TPD52: variants seen among roughly 807,000 people sequenced by gnomAD.
TPD52 encodes the protein prostate and colon associated protein.
A neutral mutation model predicts 31.3 loss-of-function variants in TPD52; 17 were observed. The ratio of observed to expected loss-of-function variants is 0.54; its 90% CI spans 0.37 to 0.82. The LOEUF (loss-of-function observed/expected upper bound fraction) is 0.82, where lower values mean the gene tolerates loss of function less well. Ranked by LOEUF, TPD52 falls within the 40% of genes least tolerant of loss-of-function variation. The pLI, the probability that TPD52 is intolerant of heterozygous loss-of-function variation, is 0.00. For synonymous variants in TPD52, 83 were observed against 89.6 expected, an observed-to-expected ratio of 0.93 and a Z score of 0.42; for missense variants, 212 against 240.1, an observed-to-expected ratio of 0.88 and a Z score of 0.77.
At chr8:80,032,267 A>C (rs2130281649), downstream of TPD52, among the ~76,000 whole-genome samples, 2 of 152,276 alleles carry the variant, frequency 1.3e-5, 1 homozygote, top group South Asian at 4.1e-4. Flanking sequence ...GACTGTAAAG[A>C]ACTGAACAAG....
intron 1 of TPD52, chr8:80,080,534 T>C: frequency 6.5e-7 from 1 of 1,549,222 alleles, no homozygotes; most frequent in Non-Finnish European, 8.7e-7. Context: ...CATATTCCCT[T>C]TGTAGGGTGC....
chr8:80,090,343 T>C (rs1365865992), intron 1 of TPD52, among the ~76,000 whole-genome samples: 3 of 151,796 alleles, frequency 2.0e-5, no homozygotes, highest in African/African-American at 7.3e-5. Context: ...AAGGCTAGAG[T>C]GAGCTACGAT....
chr8:80,142,509 A>T (rs35834988), intron 1 of TPD52, among the ~76,000 whole-genome samples: 60,179 of 151,982 alleles, frequency 0.4, 12,389 homozygotes, highest in East Asian at 0.71. Flanking sequence ...CCTTTGGATT[A>T]CTTTGGGAGG....
intron 1 of TPD52, chr8:80,080,793 C>T: frequency 2.0e-6 from 2 of 1,013,666 alleles, no homozygotes; most frequent in Non-Finnish European, 2.4e-6. Flanking sequence ...TGCAATATGG[C>T]CCAGAGGTAC....
chr8:80,107,159 G>C (rs1807193771), intron 1 of TPD52, among the ~76,000 whole-genome samples: 1 of 152,080 alleles, frequency 6.6e-6, no homozygotes, highest in Admixed American at 6.6e-5. Flanking sequence ...CCATAAATAA[G>C]CTTTTGAAAG....
rs1212799690 is a variant in TPD52 at position 80,034,765 on chromosome 8, AC to A, written c.*3350del. 4 of 152,162 alleles carry A rather than the reference AC, an allele frequency of 2.6e-5. No homozygotes were observed. Among genetic ancestry groups the A allele is most frequent in the Non-Finnish European group, 4.4e-5 (3 of 68,022 alleles). 9.4% of individuals were successfully genotyped at this position (152,162 alleles called of 1,614,324 possible). On this transcript the variant is annotated 3_prime_UTR_variant, in exon 8 of 8. Transcript: ENST00000518937. ...GTCCATTTACAAATATTCAAACAAA[AC>A]TGTATTTGGCTTTTTCTATATGATA...
At chr8:80,150,639 T>C (rs1046779652) in intron 1 of TPD52, among the ~76,000 whole-genome samples, 3 of 152,112 alleles carry the variant, frequency 2.0e-5, no homozygotes, top group African/African-American at 4.8e-5. Flanking sequence ...ATGTGAGACA[T>C]GGAGATCATT....
intron 1 of TPD52, among the ~76,000 whole-genome samples, chr8:80,110,996 A>G (rs1807462802): frequency 6.6e-6 from 1 of 152,208 alleles, no homozygotes; most frequent in Non-Finnish European, 1.5e-5. Flanking sequence ...ACTTGAGGCC[A>G]GGAGTTCAAG....
intron 1 of TPD52, among the ~76,000 whole-genome samples, chr8:80,132,173 G>A (rs1033303746): frequency 6.6e-6 from 1 of 151,892 alleles, no homozygotes; most frequent in Non-Finnish European, 1.5e-5. Context: ...GGGACTACAG[G>A]TAGCACCTGT....
At chr8:80,059,682 C>T (rs1586183987) in intron 2 of TPD52, among the ~76,000 whole-genome samples, 2 of 152,038 alleles carry the variant, frequency 1.3e-5, no homozygotes, top group Admixed American at 1.3e-4. Flanking sequence ...ACTGAAACCC[C>T]GTCTCTACCA....
chr8:80,102,688 A>G (rs901125422), intron 1 of TPD52, among the ~76,000 whole-genome samples: 2 of 152,086 alleles, frequency 1.3e-5, no homozygotes, highest in African/African-American at 4.8e-5. Flanking sequence ...GAGTGATCAG[A>G]GTGTCTTTGC....
Position 80,134,632 on chromosome 8 carries a change from G to A in TPD52, c.19+36793C>T, listed in dbSNP as rs1479426893. The stretch of plus-strand genomic sequence containing the variant: ...ATTACTAATGTCTCCTTTCTGATCC[G>A]AGAGAGAGTGTGTCATGAAGACACT... On this transcript the variant is annotated intron_variant, in intron 1 of 7. Transcript: ENST00000518937. 3.9e-5 allele frequency among the ~76,000 whole-genome samples: 6 copies of A among 152,314 alleles called. 1 individual carries two copies. The East Asian group carries it at 5.8e-4, about 15-fold the overall frequency.
At chr8:80,046,740 G>GA (rs5892701) in intron 5 of TPD52, among the ~76,000 whole-genome samples, 30 of 149,024 alleles carry the variant, frequency 2.0e-4, no homozygotes, top group Admixed American at 6.7e-4. Context: ...TCAAAACACT[G>GA]AAAAAAAAAA....
chr8:80,110,592 G>GAAA (rs58385552), intron 1 of TPD52, among the ~76,000 whole-genome samples: 1 of 141,740 alleles, frequency 7.1e-6, no homozygotes, highest in Non-Finnish European at 1.5e-5. Context: ...ATAAATAAAT[G>GAAA]AAAAAAAAAA....
intron 6 of TPD52, 68 bp from the exon 7 acceptor site, chr8:80,042,736 TATA>T: frequency 7.2e-7 from 1 of 1,392,942 alleles, no homozygotes; most frequent in Non-Finnish European, 1.0e-6. Flanking sequence ...AGTTTGAAAA[TATA>T]ATTGATTCCT....
At chr8:80,047,893 T>C (rs1045565843) in intron 5 of TPD52, among the ~76,000 whole-genome samples, 1 of 152,220 alleles carries the variant, frequency 6.6e-6, no homozygotes, top group African/African-American at 2.4e-5. Context: ...CACTTCCTCT[T>C]AAATATACCA....
chr8:80,080,495 A>G (rs1362550402), intron 1 of TPD52: 4 of 1,608,838 alleles, frequency 2.5e-6, no homozygotes, highest in Non-Finnish European at 2.5e-6. Context: ...ATCGCCTGAT[A>G]TCAGCCTTCA....
intron 1 of TPD52, among the ~76,000 whole-genome samples, chr8:80,130,223 GAC>G (rs1366522481): frequency 7.9e-5 from 12 of 152,150 alleles, no homozygotes; most frequent in Non-Finnish European, 1.6e-4. Flanking sequence ...AAAGGGAACA[GAC>G]ACAGACAAAA....
At chr8:80,081,564 G>A (rs1815294360) in intron 1 of TPD52, among the ~76,000 whole-genome samples, 1 of 151,228 alleles carries the variant, frequency 6.6e-6, no homozygotes, top group Non-Finnish European at 1.5e-5. Context: ...TCTAAAAGGC[G>A]GTTTTCAAAT....
Sources: allele counts gnomAD v4.1 joint callset (sites outside exome capture counted in the v4.1 genomes callset), GRCh38; gene constraint gnomAD v4.1.1; transcripts MANE v1.5; gene names NCBI Gene and HGNC (gene_info 2026-07-23, HGNC 2026-07-21).